Variants in FBXO4 observed in about 807,000 individuals in gnomAD.
The protein encoded by FBXO4 is F-box protein 4.
A neutral mutation model predicts 43.7 loss-of-function variants in FBXO4; 36 were observed. The ratio of observed to expected loss-of-function variants is 0.82; its 90% confidence interval spans 0.63 to 1.09. FBXO4 has a LOEUF of 1.09. Ranked by LOEUF, FBXO4 falls within the 50% of genes least tolerant of loss-of-function variation. The pLI, the probability that FBXO4 is intolerant of heterozygous loss-of-function variation, is 0.00. For missense variants in FBXO4, 435 were observed against 474.1 expected (o/e 0.92, Z 0.77); for synonymous variants, 180 against 165.6 (o/e 1.09, Z -0.67).
the FBXO4 span, among the ~76,000 whole-genome samples, chr5:42,013,317 C>A: frequency 1.3e-5 from 2 of 152,066 alleles, no homozygotes; most frequent in African/African-American, 4.8e-5. Flanking sequence ...GTTTCTATAG[C>A]CATTCAAATT....
At chr5:42,031,735 T>A in the FBXO4 span, among the ~76,000 whole-genome samples, 1 of 152,100 alleles carries the variant, frequency 6.6e-6, no homozygotes, top group Non-Finnish European at 1.5e-5. Flanking sequence ...ATGGTCTTGA[T>A]GCTAGTAGAT....
At chr5:42,007,026 T>C in the FBXO4 span, among the ~76,000 whole-genome samples, 2 of 149,840 alleles carry the variant, frequency 1.3e-5, no homozygotes, top group African/African-American at 2.5e-5. Flanking sequence ...ACAATACTTA[T>C]TATGTGTTGA....
At chr5:42,038,203 T>C in the FBXO4 span, among the ~76,000 whole-genome samples, 19 of 152,230 alleles carry the variant, frequency 1.2e-4, no homozygotes, top group South Asian at 3.7e-3. Context: ...ACATGTGCCT[T>C]ATCTGGTGAG....
chr5:41,969,107 T>C, the FBXO4 span, among the ~76,000 whole-genome samples: 1 of 152,228 alleles, frequency 6.6e-6, no homozygotes, highest in Middle Eastern at 3.2e-3. Context: ...ACTCTACAGT[T>C]GTCACACATT....
chr5:42,040,136 A>G, the FBXO4 span, among the ~76,000 whole-genome samples: 1 of 152,120 alleles, frequency 6.6e-6, no homozygotes, highest in Non-Finnish European at 1.5e-5. Flanking sequence ...CTAGCAGCAG[A>G]AAACTAATAC....
chr5:41,967,377 A>G, the FBXO4 span: 111 of 503,914 alleles, frequency 2.2e-4, no homozygotes, highest in Non-Finnish European at 4.0e-4. Flanking sequence ...TCCCACATCA[A>G]TGCTATTGCT....
the FBXO4 span, among the ~76,000 whole-genome samples, chr5:42,031,208 T>C: frequency 3.3e-5 from 5 of 152,092 alleles, no homozygotes; most frequent in African/African-American, 9.7e-5. Flanking sequence ...GGAACCAACC[T>C]AAATTTCCAA....
At chr5:41,960,121 A>G in the FBXO4 span, among the ~76,000 whole-genome samples, 1 of 152,052 alleles carries the variant, frequency 6.6e-6, no homozygotes, top group African/African-American at 2.4e-5. Flanking sequence ...TTTGGTGGCT[A>G]TAATTAATGG....
chr5:41,989,566 T>C, the FBXO4 span, among the ~76,000 whole-genome samples: 3 of 152,320 alleles, frequency 2.0e-5, no homozygotes, highest in African/African-American at 4.8e-5. Context: ...GGAATATTAT[T>C]GCAGATCCAA....
Position 41,925,456 on chromosome 5 carries a change from G to T in FBXO4, c.147G>T (p.Arg49=). The part of the protein sequence containing the change: ...SKERVARTTS[R]EEVDEAASTL... The stretch of plus-strand genomic sequence containing the variant: ...AGAGGGTGGCGCGTACGACCTCACG[G>T]GAGGAGGTGGATGAGGCGGCCAGCA... The change falls in exon 1 of 7, where the codon CGG becomes CGT. Residue 49 remains arginine (R), a synonymous_variant. Coordinates refer to ENST00000281623, the MANE Select transcript of FBXO4 (RefSeq NM_012176.3). 3 of 1,343,950 alleles carry T rather than the reference G, an allele frequency of 2.2e-6. No individual in the cohort carries two copies. The highest frequency in any genetic ancestry group is 2.9e-6 in the Non-Finnish European group (3 of 1,040,634). 83.3% of individuals were successfully genotyped at this position (1,343,950 alleles called of 1,614,324 possible).
intron 5 of FBXO4, 98 bp from the exon 6 acceptor site, chr5:41,939,343 G>C: frequency 9.2e-7 from 1 of 1,087,014 alleles, no homozygotes; most frequent in South Asian, 1.8e-5. Context: ...TTGGATCCTG[G>C]TAAATTTTTG....
chr5:42,014,815 T>G, the FBXO4 span, among the ~76,000 whole-genome samples: 25 of 152,176 alleles, frequency 1.6e-4, no homozygotes, highest in Non-Finnish European at 2.8e-4. Context: ...CTAAGCTAGA[T>G]GGCATCCACC....
At chr5:42,033,535 T>G in the FBXO4 span, among the ~76,000 whole-genome samples, 1 of 152,096 alleles carries the variant, frequency 6.6e-6, no homozygotes, top group Non-Finnish European at 1.5e-5. Context: ...CTAATGCTCT[T>G]TCTCCCCTCG....
At chr5:41,974,828 T>A in the FBXO4 span, among the ~76,000 whole-genome samples, 10 of 152,222 alleles carry the variant, frequency 6.6e-5, no homozygotes, top group Non-Finnish European at 1.3e-4. Context: ...CCTTACTTTT[T>A]GTATTCCTCA....
At chr5:41,934,346 T>C in intron 5 of FBXO4, 38 bp downstream of exon 5, 1 of 1,612,702 alleles carries the variant, frequency 6.2e-7, no homozygotes. Context: ...CACATTGTTC[T>C]TTTCAAAGCA....
the FBXO4 span, among the ~76,000 whole-genome samples, chr5:41,973,725 A>G: frequency 6.6e-6 from 1 of 152,188 alleles, no homozygotes; most frequent in Non-Finnish European, 1.5e-5. Context: ...TTGATCCAGC[A>G]ATCCCATTAC....
At chr5:42,003,984 A>G in the FBXO4 span, among the ~76,000 whole-genome samples, 1 of 152,336 alleles carries the variant, frequency 6.6e-6, no homozygotes, top group South Asian at 2.1e-4. Context: ...CCAAATGTCC[A>G]TCAATGATAG....
intron 5 of FBXO4, chr5:41,935,223 A>C (rs906235269): frequency 2.4e-6 from 2 of 828,234 alleles, no homozygotes; most frequent in African/African-American, 3.7e-5. Flanking sequence ...CACACAAAAA[A>C]TAAATTAAAA....
At chr5:42,028,364 TG>T in the FBXO4 span, among the ~76,000 whole-genome samples, 11 of 151,996 alleles carry the variant, frequency 7.2e-5, no homozygotes, top group African/African-American at 2.4e-4. Flanking sequence ...TGGTTTCCAT[TG>T]GCATGGAATT....
Sources: gnomAD v4.1 joint callset for allele counts (sites outside exome capture counted in the v4.1 genomes callset) on GRCh38, gnomAD v4.1.1 for gene constraint, MANE v1.5 for transcripts, NCBI Gene and HGNC (gene_info 2026-07-23, HGNC 2026-07-21) for gene names.